The following SOBP variants were observed in gnomAD, a reference collection of about 807,000 sequenced individuals.
SOBP encodes the protein sine oculis-binding protein homolog.
Under a neutral mutation model 53.6 loss-of-function variants are expected in SOBP, and 4 were observed. The observed-to-expected ratio is 0.07, with a 90% confidence interval of 0.04 to 0.17. SOBP has a LOEUF of 0.17. SOBP is among the 10% of genes least tolerant of loss of function. SOBP has a pLI of 1.00. For synonymous variants in SOBP, 584 were observed against 522.6 expected, an observed-to-expected ratio of 1.12 and a Z score of -1.60; for missense variants, 1,088 against 1,204.7, an observed-to-expected ratio of 0.90 and a Z score of 1.43.
intron 6 of SOBP, chr6:107,636,147 C>T (rs1286286306): frequency 6.2e-6 from 1 of 161,116 alleles, no homozygotes; most frequent in Non-Finnish European, 1.4e-5. Context: ...GGGTAGGCCT[C>T]AAGCGTCACT....
In SOBP at chr6:107,635,058, G is replaced by T; in HGVS notation, c.2214G>T (p.Ala738=). Residue 738 remains alanine, a synonymous_variant, in exon 6 of 7, where the codon GCG becomes GCT. Transcript: ENST00000317357. The surrounding 1 kb of genome is among the most constrained non-coding windows in gnomAD (Gnocchi z 4.5). ...CCGCCGCCGAGGGCGCTAAGAGCGC[G>T]GAGCCGCCTCCCGAGCAGCCGCCGC... ...RGAAAEGAKS[A]EPPPEQPPPP... is the part of the protein sequence containing the mutation. 1 of 1,523,830 alleles carries T rather than the reference G, an allele frequency of 6.6e-7. No homozygotes were observed. The highest frequency in any genetic ancestry group is 8.8e-7 in the Non-Finnish European group (1 of 1,135,162). 94.4% of individuals were successfully genotyped at this position (1,523,830 alleles called of 1,614,324 possible).
chr6:107,623,062 A>T (rs1770257216), intron 5 of SOBP, among the ~76,000 whole-genome samples: 1 of 152,150 alleles, frequency 6.6e-6, no homozygotes, highest in Non-Finnish European at 1.5e-5. Flanking sequence ...GGGAAGTGGC[A>T]CTATCTTGGA....
intron 4 of SOBP, among the ~76,000 whole-genome samples, chr6:107,555,030 T>C (rs1358322606): frequency 6.6e-6 from 1 of 152,090 alleles, no homozygotes; most frequent in Non-Finnish European, 1.5e-5. Flanking sequence ...TCTGCACAGG[T>C]GCTAGAATGC....
intron 4 of SOBP, among the ~76,000 whole-genome samples, chr6:107,557,083 G>T (rs1036181917): frequency 6.6e-6 from 1 of 151,986 alleles, no homozygotes; most frequent in Non-Finnish European, 1.5e-5. Context: ...CTTATATTTG[G>T]TAAACATATA....
At chr6:107,618,861 C>T (rs1411042177) in intron 5 of SOBP, among the ~76,000 whole-genome samples, 3 of 152,200 alleles carry the variant, frequency 2.0e-5, no homozygotes, top group East Asian at 3.9e-4. Flanking sequence ...TTGTGGGCTG[C>T]GTAGGGTAAC....
At chr6:107,569,960 C>A (rs1429485141) in intron 4 of SOBP, among the ~76,000 whole-genome samples, 2 of 152,216 alleles carry the variant, frequency 1.3e-5, no homozygotes, top group African/African-American at 4.8e-5. Context: ...CATCCTTCTC[C>A]CTCAACTGGG....
At chr6:107,538,174 T>G (rs1387729778) in intron 4 of SOBP, among the ~76,000 whole-genome samples, 2 of 152,220 alleles carry the variant, frequency 1.3e-5, no homozygotes, top group African/African-American at 4.8e-5. Context: ...GAGTTATATT[T>G]TATTTAGACA....
At chr6:107,639,960 C>G (rs1333766062) in intron 6 of SOBP, among the ~76,000 whole-genome samples, 3 of 151,996 alleles carry the variant, frequency 2.0e-5, no homozygotes, top group Non-Finnish European at 4.4e-5. Flanking sequence ...TTTCCTGGTC[C>G]CAATTCCATG....
intron 2 of SOBP, among the ~76,000 whole-genome samples, chr6:107,505,319 T>C (rs954703414): frequency 3.9e-5 from 6 of 152,092 alleles, no homozygotes; most frequent in African/African-American, 1.4e-4. Context: ...CTCAATTTTC[T>C]TTTCTTTCTT....
chr6:107,591,301 A>G (rs1337991424), intron 5 of SOBP, among the ~76,000 whole-genome samples: 1 of 152,234 alleles, frequency 6.6e-6, no homozygotes, highest in Non-Finnish European at 1.5e-5. Flanking sequence ...GGCACATAGT[A>G]AGTGCTCAGT....
intron 5 of SOBP, among the ~76,000 whole-genome samples, chr6:107,613,254 A>T (rs1786664282): frequency 1.3e-5 from 2 of 152,286 alleles, no homozygotes; most frequent in African/African-American, 4.8e-5. Context: ...CTTACATCTT[A>T]TTTCTGCTGC....
chr6:107,623,880 G>A (rs960987622), intron 5 of SOBP, among the ~76,000 whole-genome samples: 7 of 152,146 alleles, frequency 4.6e-5, no homozygotes, highest in Admixed American at 6.5e-5. Flanking sequence ...ATCTGAATCC[G>A]GGCTTCACTA....
At chr6:107,543,942 AAAAC>A (rs1435107578) in intron 4 of SOBP, among the ~76,000 whole-genome samples, 3 of 152,238 alleles carry the variant, frequency 2.0e-5, no homozygotes, top group East Asian at 1.9e-4. Context: ...GCACAGAACT[AAAAC>A]AAAGGGATTG....
At chr6:107,490,805 C>A in intron 1 of SOBP, 93 bp downstream of exon 1, 1 of 973,652 alleles carries the variant, frequency 1.0e-6, no homozygotes, top group Non-Finnish European at 1.6e-6. Flanking sequence ...TACCGGGGCG[C>A]GCTTGTCAGT....
chr6:107,556,774 G>A (rs1784623747), intron 4 of SOBP, among the ~76,000 whole-genome samples: 1 of 152,154 alleles, frequency 6.6e-6, no homozygotes, highest in Non-Finnish European at 1.5e-5. Context: ...CATTGGGCCA[G>A]TCTAAACCTT....
Position 107,660,025 on chromosome 6 carries a change from G to A in SOBP, c.*1822G>A, listed in dbSNP as rs1430193457. The A allele has an allele frequency of 6.6e-6, 1 of 152,528 alleles. No individual in the cohort carries two copies. The highest frequency in any genetic ancestry group is 1.5e-5 in the Non-Finnish European group (1 of 68,034). 9.4% of individuals were successfully genotyped at this position (152,528 alleles called of 1,614,324 possible). On this transcript the variant is annotated 3_prime_UTR_variant, in exon 7 of 7. Transcript: ENST00000317357. ...CCCAGCACCAAACCCACCCAGGCAGGAAGAAGCCGCCCCTCCTCTGGGGCC... is the reference window on the plus strand; with the variant it reads ...CCCAGCACCAAACCCACCCAGGCAGAAAGAAGCCGCCCCTCCTCTGGGGCC...
chr6:107,633,154 T>C (rs536648581), intron 5 of SOBP, among the ~76,000 whole-genome samples: 3 of 152,340 alleles, frequency 2.0e-5, no homozygotes, highest in East Asian at 1.9e-4. Flanking sequence ...CAAAACTCTT[T>C]AGGTTTGCAT....
At chr6:107,637,096 A>G (rs146909350) in intron 6 of SOBP, among the ~76,000 whole-genome samples, 193 of 152,362 alleles carry the variant, frequency 1.3e-3, no homozygotes, top group Middle Eastern at 3.4e-3. Flanking sequence ...CATAGGGGAA[A>G]GTTTCTTAAA....
chr6:107,572,321 T>A (rs1016686818), intron 4 of SOBP, among the ~76,000 whole-genome samples: 5 of 148,666 alleles, frequency 3.4e-5, no homozygotes, highest in Non-Finnish European at 3.0e-5. Flanking sequence ...TTTTTTTTTT[T>A]AAGGCAGAGT....
Sources: allele counts gnomAD v4.1 joint callset (sites outside exome capture counted in the v4.1 genomes callset), GRCh38; gene constraint gnomAD v4.1.1; non-coding constraint Gnocchi (gnomAD v3.1); transcripts MANE v1.5; gene names NCBI Gene and HGNC (gene_info 2026-07-23, HGNC 2026-07-21).